MGMT: variants seen among roughly 807,000 people sequenced by gnomAD.
The protein encoded by MGMT is methylated-DNA--protein-cysteine methyltransferase.
A neutral mutation model predicts 15.9 loss-of-function variants in MGMT; 14 were observed. The observed-to-expected ratio is 0.88, with a 90% CI of 0.58 to 1.37. The LOEUF (loss-of-function observed/expected upper bound fraction) is 1.37. Among genes scored for constraint, MGMT ranks in the 40% most tolerant of loss-of-function variants. The pLI is 0.00. For synonymous variants in MGMT, 130 were observed against 118.2 expected (o/e 1.10, Z -0.65); for missense variants, 282 against 268.1 (o/e 1.05, Z -0.36).
chr10:129,668,624 C>T (rs1232800579), intron 2 of MGMT, among the ~76,000 whole-genome samples: 3 of 152,212 alleles, frequency 2.0e-5, no homozygotes, highest in Non-Finnish European at 2.9e-5. Context: ...CACCATACCG[C>T]ACTACTTTAA....
intron 2 of MGMT, among the ~76,000 whole-genome samples, chr10:129,639,274 A>T (rs1180100766): frequency 1.3e-5 from 2 of 152,176 alleles, no homozygotes. Context: ...AAAAGTTACT[A>T]GGGTTAAAGA....
chr10:129,749,656 A>G (rs1044583138), intron 3 of MGMT, among the ~76,000 whole-genome samples: 2 of 152,196 alleles, frequency 1.3e-5, no homozygotes, highest in Admixed American at 6.5e-5. Context: ...CAATTGCCAG[A>G]TCACATGGTA....
rs185956204 is a variant in MGMT at position 129,732,258 on chromosome 10, A to G, written c.274+24215A>G. On this transcript the variant is annotated intron_variant, in intron 3 of 4. Transcript: ENST00000651593. ...CTATGTTGGTGTGCTGCACCCATCT[A>G]TTCGTCATTTATATTAGGTATTTCT... Among the ~76,000 whole-genome samples the G allele has an allele frequency of 4.6e-3, 693 of 151,998 alleles. 2 individuals are homozygous for G. Among genetic ancestry groups the G allele is most frequent in the Admixed American group, 7.2e-3 (110 of 15,254 alleles).
intron 1 of MGMT, among the ~76,000 whole-genome samples, chr10:129,529,202 G>A (rs866600076): frequency 8.6e-5 from 13 of 151,848 alleles, no homozygotes; most frequent in Admixed American, 3.9e-4. Context: ...GGTGCGATGG[G>A]GTCATGGGGG....
chr10:129,710,917 A>AT (rs1444057614), intron 3 of MGMT, among the ~76,000 whole-genome samples: 2 of 152,076 alleles, frequency 1.3e-5, no homozygotes, highest in African/African-American at 4.8e-5. Flanking sequence ...TTTGCATATC[A>AT]TTTTTCACCA....
intron 2 of MGMT, among the ~76,000 whole-genome samples, chr10:129,559,601 A>G (rs1448733803): frequency 6.6e-6 from 1 of 151,804 alleles, no homozygotes. Flanking sequence ...TGGTTTTGGC[A>G]TATTGTGTTG....
Position 129,525,916 on chromosome 10 carries a change from G to A in MGMT, c.-12-10325G>A, listed in dbSNP as rs1041085068. 5.3e-5 allele frequency among the ~76,000 whole-genome samples: 8 copies of A among 152,330 alleles called. No homozygotes were observed. The East Asian group carries it at 9.7e-4, about 18-fold the overall frequency. On this transcript the variant is annotated intron_variant, in intron 1 of 4. Transcript: ENST00000651593. The stretch of plus-strand genomic sequence containing the variant: ...CCCCACCAGGAGGCTTTGGGGTGGC[G>A]TTTGGGAACGCCGTTTGGATCCCTT...
At chr10:129,530,463 C>A (rs1845918399) in intron 1 of MGMT, among the ~76,000 whole-genome samples, 1 of 152,140 alleles carries the variant, frequency 6.6e-6, no homozygotes, top group South Asian at 2.1e-4. Flanking sequence ...GCACCTTAGC[C>A]CAGTAGCTCC....
intron 1 of MGMT, among the ~76,000 whole-genome samples, chr10:129,517,239 C>A (rs1296457366): frequency 1.3e-5 from 2 of 152,240 alleles, no homozygotes; most frequent in African/African-American, 2.4e-5. Flanking sequence ...CCTCAGAGGT[C>A]CTGTGGTCCT....
intron 3 of MGMT, among the ~76,000 whole-genome samples, chr10:129,716,271 A>T (rs181925978): frequency 4.8e-4 from 73 of 152,324 alleles, no homozygotes; most frequent in Non-Finnish European, 4.4e-5. Flanking sequence ...CACTCTGGCG[A>T]GCCCACCCTC....
chr10:129,588,707 T>C (rs1397327659), intron 2 of MGMT, among the ~76,000 whole-genome samples: 6 of 152,186 alleles, frequency 3.9e-5, no homozygotes, highest in African/African-American at 1.4e-4. Flanking sequence ...CAGCCCATAC[T>C]CTCCTCTGTG....
chr10:129,760,912 T>C (rs976288331), intron 4 of MGMT, among the ~76,000 whole-genome samples: 1 of 152,306 alleles, frequency 6.6e-6, no homozygotes, highest in East Asian at 1.9e-4. Context: ...TTAATTGCAA[T>C]GTCTTCAGCT....
intron 2 of MGMT, among the ~76,000 whole-genome samples, chr10:129,567,921 T>C (rs960613880): frequency 6.6e-6 from 1 of 152,206 alleles, no homozygotes; most frequent in South Asian, 2.1e-4. Context: ...TTCAGAGATA[T>C]GGAAGCCAAA....
At chr10:129,621,130 ATTTAAATAT>A (rs1478660440) in intron 2 of MGMT, among the ~76,000 whole-genome samples, 9 of 152,338 alleles carry the variant, frequency 5.9e-5, no homozygotes, top group African/African-American at 1.7e-4. Context: ...ATTTTAAATA[ATTTAAATAT>A]AAATAGCCAC....
intron 2 of MGMT, among the ~76,000 whole-genome samples, chr10:129,569,808 A>G (rs958057448): frequency 6.6e-6 from 1 of 152,188 alleles, no homozygotes; most frequent in African/African-American, 2.4e-5. Context: ...CGTGTTCTCA[A>G]CAGGCACAGG....
chr10:129,759,379 G>T, intron 4 of MGMT, 38 bp downstream of exon 4: 1 of 1,612,860 alleles, frequency 6.2e-7, no homozygotes, highest in African/African-American at 1.3e-5. Flanking sequence ...GTGGGTGGCG[G>T]GTGCGTGCAG....
chr10:129,684,926 G>T (rs1847888882), intron 2 of MGMT, among the ~76,000 whole-genome samples: 1 of 152,210 alleles, frequency 6.6e-6, no homozygotes, highest in Non-Finnish European at 1.5e-5. Flanking sequence ...GAACTTGCTG[G>T]AGGAACCAGA....
chr10:129,565,234 G>A (rs954096434), intron 2 of MGMT, among the ~76,000 whole-genome samples: 8 of 151,698 alleles, frequency 5.3e-5, no homozygotes, highest in Admixed American at 2.0e-4. Context: ...TCATTTCCTC[G>A]TACATGTGGA....
chr10:129,623,827 A>G (rs569035429), intron 2 of MGMT, among the ~76,000 whole-genome samples: 3 of 152,264 alleles, frequency 2.0e-5, no homozygotes, highest in African/African-American at 7.2e-5. Flanking sequence ...AGCCTAATCT[A>G]TATAACCTTT....
Sources: allele counts gnomAD v4.1 joint callset (sites outside exome capture counted in the v4.1 genomes callset), GRCh38; gene constraint gnomAD v4.1.1; transcripts MANE v1.5; gene names NCBI Gene and HGNC (gene_info 2026-07-23, HGNC 2026-07-21).